EXPH5: variants seen among roughly 807,000 people sequenced by gnomAD.
EXPH5 encodes the protein exophilin 5.
EXPH5 carries 42 observed loss-of-function variants against 41.1 expected under a neutral mutation model. The observed-to-expected ratio is 1.02, with a 90% CI of 0.80 to 1.32. The LOEUF (loss-of-function observed/expected upper bound fraction) is 1.32. EXPH5 is among the 40% of genes most tolerant of loss of function. EXPH5 has a pLI of 0.00. For synonymous variants in EXPH5, 798 were observed against 833.5 expected (o/e 0.96, Z 0.73); for missense variants, 2,298 against 2,314.5 (o/e 0.99, Z 0.15).
chr11:108,505,718 C>T lies in EXPH5; in HGVS notation c.*3819G>A, dbSNP rs1243394949. Reference sequence around the variant, plus strand: ...GGATATTCTGAAGCATTATTATTATCAATAAACTCTAAGCAAGAAGTTCTC... The same window carrying T: ...GGATATTCTGAAGCATTATTATTATTAATAAACTCTAAGCAAGAAGTTCTC... On this transcript the variant is annotated 3_prime_UTR_variant, in exon 6 of 6. Transcript: ENST00000265843. The T allele has an allele frequency of 1.3e-5, 2 of 152,170 alleles. No homozygotes were observed. The highest frequency in any genetic ancestry group is 2.9e-5 in the Non-Finnish European group (2 of 68,032). 9.4% of individuals were successfully genotyped at this position (152,170 alleles called of 1,614,324 possible).
chr11:108,569,691 G>C (rs900654123), intron 1 of EXPH5, among the ~76,000 whole-genome samples: 2 of 152,160 alleles, frequency 1.3e-5, no homozygotes, highest in Admixed American at 6.5e-5. Context: ...AGCTTACAAA[G>C]AACATTTGTA....
At chr11:108,563,223 C>T (rs1224640076) in intron 1 of EXPH5, among the ~76,000 whole-genome samples, 2 of 152,182 alleles carry the variant, frequency 1.3e-5, no homozygotes, top group Non-Finnish European at 1.5e-5. Flanking sequence ...TGCCTCCTGC[C>T]TGAGAAATTT....
At chr11:108,528,316 G>C in intron 3 of EXPH5, 132 bp from the exon 4 acceptor site, 1 of 611,690 alleles carries the variant, frequency 1.6e-6, no homozygotes, top group Non-Finnish European at 2.9e-6. Context: ...GTAGAAAGAT[G>C]TTTCTTCGTT....
intron 1 of EXPH5, among the ~76,000 whole-genome samples, chr11:108,567,762 G>C (rs2094040867): frequency 6.6e-6 from 1 of 152,144 alleles, no homozygotes; most frequent in African/African-American, 2.4e-5. Flanking sequence ...CTGGAAACAG[G>C]TATCTCTTTC....
rs1269061907 is a variant in EXPH5 at position 108,513,641 on chromosome 11, A to C, written c.1866T>G (p.Thr622=). Residue 622 remains threonine (T), a synonymous_variant, in exon 6 of 6, where the codon ACT becomes ACG. Transcript: ENST00000265843. Reference sequence around the variant, plus strand: ...AGGAAGTTTTGAATGAGGATGCTAGAGTCTGAGCAATTCCAAATGAGGAAG... The same window carrying C: ...AGGAAGTTTTGAATGAGGATGCTAGCGTCTGAGCAATTCCAAATGAGGAAG... ...KEASSFGIAQ[T]LASSFKTSFS... is the part of the protein sequence containing the mutation. 4.3e-6 allele frequency: 7 copies of C among 1,612,264 alleles called. No homozygotes were observed. In the Admixed American group the frequency reaches 1.2e-4, roughly 27 times the overall value.
intron 3 of EXPH5, among the ~76,000 whole-genome samples, chr11:108,531,862 C>A (rs2093840135): frequency 6.6e-6 from 1 of 152,164 alleles, no homozygotes; most frequent in Admixed American, 6.5e-5. Flanking sequence ...GATTCAAACT[C>A]AGAAATCCCT....
the EXPH5 span, among the ~76,000 whole-genome samples, chr11:108,605,643 T>C: frequency 6.6e-6 from 1 of 152,232 alleles, no homozygotes; most frequent in Admixed American, 6.5e-5. Flanking sequence ...TTAGAGCAAT[T>C]TGGATTCAGA....
At chr11:108,598,378 T>A (rs1400910576), upstream of EXPH5, among the ~76,000 whole-genome samples, 1 of 152,210 alleles carries the variant, frequency 6.6e-6, no homozygotes, top group Admixed American at 6.5e-5. Flanking sequence ...ACCTGCTGTA[T>A]GTCAGGCTCT....
the EXPH5 span, among the ~76,000 whole-genome samples, chr11:108,606,912 A>AT: frequency 5.3e-5 from 8 of 152,254 alleles, no homozygotes; most frequent in South Asian, 1.2e-3. Flanking sequence ...GAACATTTCT[A>AT]TTTACCTTTT....
rs1385757611 is a variant in EXPH5, at chr11:108,518,303, A to G, written c.563T>C (p.Val188Ala). 6.2e-7 allele frequency: 1 copy of G among 1,613,950 alleles called. No individual in the cohort carries two copies. ...AGGCATGCCACTCTCCTCCCTCATGACTGCTGGCTTTGGGACAAATGTACT... is the reference window on the plus strand; with the variant it reads ...AGGCATGCCACTCTCCTCCCTCATGGCTGCTGGCTTTGGGACAAATGTACT... ...VDSTFVPKPA[V>A]MREESGMPPP... Residue 188 changes from valine (V) to alanine (A), a missense_variant, in exon 5 of 6, where the codon GTC (valine) becomes GCC (alanine). Transcript: ENST00000265843.
chr11:108,555,151 C>T (rs1034964637), intron 1 of EXPH5, among the ~76,000 whole-genome samples: 1 of 152,188 alleles, frequency 6.6e-6, no homozygotes, highest in Non-Finnish European at 1.5e-5. Context: ...GGCAAGGCTC[C>T]GCCTGTCATC....
chr11:108,518,756 A>G (rs2093744469), intron 4 of EXPH5, among the ~76,000 whole-genome samples: 1 of 152,186 alleles, frequency 6.6e-6, no homozygotes, highest in Non-Finnish European at 1.5e-5. Context: ...ATTCTAAGTC[A>G]CAGGATGAGA....
chr11:108,590,698 T>C (rs2094125441), intron 1 of EXPH5, among the ~76,000 whole-genome samples: 1 of 152,208 alleles, frequency 6.6e-6, no homozygotes, highest in Non-Finnish European at 1.5e-5. Context: ...GTCACTCTGG[T>C]TGGAGTGGAA....
At chr11:108,532,339 GATATATATATATATATAT>G (rs761444200) in intron 3 of EXPH5, among the ~76,000 whole-genome samples, 12 of 23,442 alleles carry the variant, frequency 5.1e-4, no homozygotes, top group African/African-American at 2.3e-3. Flanking sequence ...CACCACACTG[GATATATATATATATATAT>G]ATATATATAT....
intron 1 of EXPH5, among the ~76,000 whole-genome samples, chr11:108,576,831 T>C (rs965779052): frequency 6.6e-6 from 1 of 152,174 alleles, no homozygotes; most frequent in African/African-American, 2.4e-5. Context: ...ATATTATTCC[T>C]TCTATCTAAC....
chr11:108,548,512 A>C (rs1436018891), intron 1 of EXPH5, among the ~76,000 whole-genome samples: 4 of 152,254 alleles, frequency 2.6e-5, no homozygotes, highest in Admixed American at 2.0e-4. Context: ...GATGGCTGTC[A>C]GGAAAGTGAT....
intron 1 of EXPH5, among the ~76,000 whole-genome samples, chr11:108,585,996 T>C (rs766553335): frequency 2.6e-5 from 4 of 152,226 alleles, no homozygotes; most frequent in Admixed American, 6.5e-5. Flanking sequence ...TGGAGTGCAG[T>C]GGCACCATCT....
At chr11:108,594,556 T>C (rs1459885351), upstream of EXPH5, among the ~76,000 whole-genome samples, 2 of 152,178 alleles carry the variant, frequency 1.3e-5, no homozygotes, top group Non-Finnish European at 2.9e-5. Context: ...TGAAGAATAA[T>C]AGAAACTTAT....
At chr11:108,536,033 C>A (rs1230273748) in intron 3 of EXPH5, among the ~76,000 whole-genome samples, 1 of 152,152 alleles carries the variant, frequency 6.6e-6, no homozygotes, top group Non-Finnish European at 1.5e-5. Context: ...AAGATCCGTG[C>A]AAACATGACT....
Sources: gnomAD v4.1 joint callset for allele counts (sites outside exome capture counted in the v4.1 genomes callset) on GRCh38, gnomAD v4.1.1 for gene constraint, MANE v1.5 for transcripts, NCBI Gene and HGNC (gene_info 2026-07-23, HGNC 2026-07-21) for gene names.